Variants in RAD51B observed in about 807,000 individuals in gnomAD.
RAD51B encodes the protein RAD51 paralog B, also known as DNA repair protein RAD51 homolog 2.
A neutral mutation model predicts 42.2 loss-of-function variants in RAD51B; 38 were observed. That is an observed-to-expected ratio of 0.90 (90% CI 0.70 to 1.18). The LOEUF (loss-of-function observed/expected upper bound fraction) is 1.18. Among genes scored for constraint, RAD51B ranks in the 50% most tolerant of loss-of-function variants. The probability of loss-of-function intolerance (pLI) is 0.00; values close to 1 mark genes in which losing one functional copy is unlikely to be tolerated. For synonymous variants in RAD51B, 154 were observed against 145.2 expected, an observed-to-expected ratio of 1.06 and a Z score of -0.43; for missense variants, 373 against 400.7, an observed-to-expected ratio of 0.93 and a Z score of 0.59.
intron 7 of RAD51B, among the ~76,000 whole-genome samples, chr14:67,901,445 G>A (rs1481978823): frequency 2.0e-5 from 3 of 152,048 alleles, no homozygotes; most frequent in Non-Finnish European, 4.4e-5. Flanking sequence ...CAGTCCTGTG[G>A]GTATTTTTCC....
At chr14:68,486,552 C>T (rs1011264006) in intron 10 of RAD51B, among the ~76,000 whole-genome samples, 3 of 152,182 alleles carry the variant, frequency 2.0e-5, no homozygotes, top group African/African-American at 4.8e-5. Flanking sequence ...TAATCAACAA[C>T]GACCTATCTT....
intron 7 of RAD51B, among the ~76,000 whole-genome samples, chr14:68,005,752 C>T (rs757546639): frequency 2.0e-5 from 3 of 152,020 alleles, no homozygotes; most frequent in East Asian, 1.9e-4. Context: ...TATTGCTTCT[C>T]GACATGCTAT....
chr14:68,463,245 A>C (rs543689546), intron 9 of RAD51B, among the ~76,000 whole-genome samples: 1 of 152,264 alleles, frequency 6.6e-6, no homozygotes, highest in African/African-American at 2.4e-5. Context: ...AGATCAAAAA[A>C]AGGGAGGAAT....
At chr14:68,516,036 C>T (rs1438365707) in intron 10 of RAD51B, among the ~76,000 whole-genome samples, 2 of 152,052 alleles carry the variant, frequency 1.3e-5, no homozygotes, top group Non-Finnish European at 2.9e-5. Context: ...CCGCCCACCT[C>T]GGCCTCCCAA....
chr14:68,247,999 A>G (rs560494135), intron 7 of RAD51B, among the ~76,000 whole-genome samples: 1 of 152,294 alleles, frequency 6.6e-6, no homozygotes, highest in African/African-American at 2.4e-5. Context: ...TGTGTGTGTA[A>G]GTGTACAGCT....
intron 5 of RAD51B, among the ~76,000 whole-genome samples, chr14:67,868,130 G>A (rs1047072491): frequency 6.6e-6 from 1 of 152,194 alleles, no homozygotes; most frequent in Non-Finnish European, 1.5e-5. Context: ...CCCAGCATGA[G>A]CGACGCAGAA....
Position 68,466,609 on chromosome 14 carries a change from C to G in RAD51B, c.958-1563C>G, listed in dbSNP as rs181386723. 1.3e-4 allele frequency among the ~76,000 whole-genome samples: 20 copies of G among 152,344 alleles called. No individual in the cohort carries two copies. The East Asian group carries it at 3.9e-3, about 29-fold the overall frequency. Reference sequence around the variant, plus strand: ...TCATCCCCAGAGTGTTGTCCACACCCATTTGCTTGGATCTGGTTCCTGCCT... The same window carrying G: ...TCATCCCCAGAGTGTTGTCCACACCGATTTGCTTGGATCTGGTTCCTGCCT... On this transcript the variant is annotated intron_variant, in intron 9 of 10. Transcript: ENST00000471583.
At chr14:68,443,415 G>T (rs2085347886) in intron 9 of RAD51B, among the ~76,000 whole-genome samples, 1 of 152,180 alleles carries the variant, frequency 6.6e-6, no homozygotes, top group African/African-American at 2.4e-5. Context: ...CTCTTCCAGG[G>T]CAGAAGGAAC....
intron 10 of RAD51B, among the ~76,000 whole-genome samples, chr14:68,589,022 G>C (rs1030462292): frequency 2.0e-5 from 3 of 152,170 alleles, no homozygotes; most frequent in African/African-American, 7.2e-5. Flanking sequence ...TGGGTGACCT[G>C]GGGCGAGTCC....
chr14:68,376,758 G>C (rs777766861), intron 8 of RAD51B, among the ~76,000 whole-genome samples: 1 of 152,184 alleles, frequency 6.6e-6, no homozygotes. Context: ...TGATAAATCA[G>C]TAAGATTGAA....
rs139618625 is a variant in RAD51B, at chr14:68,657,615, G to A, written c.*11+6759G>A. ...CTCGGCCCCTGCAGAGATCAGTCTG[G>A]TGGCTTCAGGCATCTGTGTCTAGGA... On this transcript the variant is annotated intron_variant, in intron 11 of 11. Coordinates refer to the RAD51B transcript ENST00000488612. 4.4e-3 allele frequency among the ~76,000 whole-genome samples: 674 copies of A among 152,342 alleles called. 7 individuals carry two copies. Among genetic ancestry groups the A allele is most frequent in the African/African-American group, 0.015 (618 of 41,584 alleles).
At chr14:68,384,248 A>AT (rs918695049) in intron 8 of RAD51B, among the ~76,000 whole-genome samples, 33 of 152,094 alleles carry the variant, frequency 2.2e-4, no homozygotes, top group Non-Finnish European at 4.4e-4. Context: ...TAAATCAGGG[A>AT]TTTTTTTTAA....
At chr14:68,585,310 C>T (rs1890404617) in intron 10 of RAD51B, among the ~76,000 whole-genome samples, 1 of 152,228 alleles carries the variant, frequency 6.6e-6, no homozygotes, top group African/African-American at 2.4e-5. Flanking sequence ...AAGCCCAATT[C>T]CTGCTTCACC....
At chr14:68,469,249 T>A in intron 10 of RAD51B, 1 of 297,868 alleles carries the variant, frequency 3.4e-6, no homozygotes, top group Non-Finnish European at 7.6e-6. Flanking sequence ...TCCCTGTAAT[T>A]TCCCCATGGA....
chr14:68,465,932 C>T (rs2140227102), intron 9 of RAD51B, among the ~76,000 whole-genome samples: 1 of 124,812 alleles, frequency 8.0e-6, no homozygotes, highest in East Asian at 2.2e-4. Flanking sequence ...CAGAGCTAGA[C>T]TCTGTCTCAA....
At chr14:67,910,966 C>T (rs1172507338) in intron 7 of RAD51B, among the ~76,000 whole-genome samples, 1 of 152,014 alleles carries the variant, frequency 6.6e-6, no homozygotes, top group African/African-American at 2.4e-5. Context: ...CATGCTCCAC[C>T]ACACCCGGCT....
At chr14:67,898,317 A>G (rs1305315457) in intron 7 of RAD51B, among the ~76,000 whole-genome samples, 1 of 152,244 alleles carries the variant, frequency 6.6e-6, no homozygotes, top group Non-Finnish European at 1.5e-5. Context: ...TAAATGAGAT[A>G]AGCCAGACAG....
At position 68,652,160 on chromosome 14, in the gene RAD51B, A is replaced by C. The variant is rs191055905; in HGVS notation, c.*11+1304A>C. ...CCTCCCAACACGACGCCAACTTCAC[A>C]TTTTCCTTTCTTCCCCCCTTGCACA... On this transcript the variant is annotated intron_variant, in intron 11 of 11. Coordinates refer to the RAD51B transcript ENST00000488612. 1.4e-3 allele frequency among the ~76,000 whole-genome samples: 216 copies of C among 152,112 alleles called. 1 individual carries two copies. The highest frequency in any genetic ancestry group is 4.7e-3 in the African/African-American group (196 of 41,492).
At chr14:67,901,193 T>C (rs2043600421) in intron 7 of RAD51B, among the ~76,000 whole-genome samples, 1 of 152,218 alleles carries the variant, frequency 6.6e-6, no homozygotes, top group Admixed American at 6.5e-5. Context: ...TGTGCATGCC[T>C]GGGGTTGACT....
Sources: gnomAD v4.1 joint callset for allele counts (sites outside exome capture counted in the v4.1 genomes callset) on GRCh38, gnomAD v4.1.1 for gene constraint, MANE v1.5 for transcripts, NCBI Gene and HGNC (gene_info 2026-07-23, HGNC 2026-07-21) for gene names.